ITPR1: variants seen among roughly 807,000 people sequenced by gnomAD.
ITPR1 encodes the protein inositol 1,4,5-trisphosphate receptor type 1, also known as inositol 1,4,5-trisphosphate-gated calcium channel ITPR1.
In ITPR1, 96 loss-of-function variants were observed where a neutral mutation model predicts 318.4. The ratio of observed to expected loss-of-function variants is 0.30; its 90% CI spans 0.26 to 0.36. ITPR1 has a LOEUF of 0.36. ITPR1 is among the 10% of genes least tolerant of loss of function. The pLI, the probability that ITPR1 is intolerant of heterozygous loss-of-function variation, is 1.00. For synonymous variants in ITPR1, 1,312 were observed against 1,289.9 expected (o/e 1.02, Z -0.37); for missense variants, 2,440 against 3,460.2 (o/e 0.71, Z 7.40).
chr3:4,833,292 G>A (rs73006953), intron 60 of ITPR1, among the ~76,000 whole-genome samples: 11,937 of 152,258 alleles, frequency 0.078, 536 homozygotes, highest in South Asian at 0.11. Context: ...TATTAGGAAT[G>A]AGGGAGAGAA....
At chr3:4,524,962 G>T (rs2082863455) in intron 4 of ITPR1, among the ~76,000 whole-genome samples, 1 of 152,176 alleles carries the variant, frequency 6.6e-6, no homozygotes, top group African/African-American at 2.4e-5. Flanking sequence ...AGTACGGGGG[G>T]AGTCTGACCC....
Position 4,836,756 on chromosome 3 carries a change from T to G in ITPR1, c.8029-18T>G. On this transcript the variant is annotated intron_variant, in intron 60 of 61. Coordinates refer to ENST00000649015, the MANE Select transcript of ITPR1 (RefSeq NM_001378452.1). ...CAGTCTTTTTTTTTTTTTTTTTTTT[T>G]TTTAATGTGGATTCTAGGAAAGAAA... 7.7e-7 allele frequency: 1 copy of G among 1,294,504 alleles called. No homozygotes were observed. The allele number at this position is 1,294,504 out of a possible 1,614,324, so 80.2% of individuals were successfully genotyped here.
chr3:4,735,260 T>C lies in ITPR1; in HGVS notation c.5450T>C (p.Ile1817Thr). Residue 1817 changes from isoleucine (I) to threonine (T), a missense_variant, in exon 44 of 62, where the codon ATC (isoleucine) becomes ACC (threonine). Physicochemically the swap from Ile to Thr is moderately conservative, Grantham distance 89. Coordinates refer to ENST00000649015, the MANE Select transcript of ITPR1 (RefSeq NM_001378452.1). Reference sequence around the variant, plus strand: ...AAGGAGGGGGCTTCCAATCTAGTTATCGACCTCATCATGAACGCATCCAGT... The same window carrying C: ...AAGGAGGGGGCTTCCAATCTAGTTACCGACCTCATCATGAACGCATCCAGT... ...LDKEGASNLV[I>T]DLIMNASSDR... The C allele has an allele frequency of 1.2e-6, 2 of 1,613,960 alleles. No individual in the cohort carries two copies. Among genetic ancestry groups the C allele is most frequent in the Non-Finnish European group, 1.7e-6 (2 of 1,179,854 alleles).
At chr3:4,645,301 C>A (rs999981595) in intron 8 of ITPR1, 86 bp from the exon 9 acceptor site, 3 of 887,404 alleles carry the variant, frequency 3.4e-6, no homozygotes, top group Non-Finnish European at 5.6e-6. Flanking sequence ...AGCCTTGCTT[C>A]CTAGGCTGCG....
intron 4 of ITPR1, among the ~76,000 whole-genome samples, chr3:4,620,192 G>A (rs2322806): frequency 0.47 from 70,683 of 151,872 alleles, 16,893 homozygotes; most frequent in Middle Eastern, 0.57. Flanking sequence ...GAGCCTGTGC[G>A]TTTCACCATC....
In ITPR1 at chr3:4,684,375, C is replaced by A. The variant is rs1212655798; in HGVS notation, c.3564+29C>A. 2.6e-6 allele frequency: 4 copies of A among 1,529,490 alleles called. No homozygotes were observed. The African/African-American group carries it at 4.1e-5, about 16-fold the overall frequency. 94.7% of individuals were successfully genotyped at this position (1,529,490 alleles called of 1,614,324 possible). A position where few individuals can be genotyped will look rare whatever the true frequency, so the allele number is the denominator to read the frequency against. ...AGCTCCTCCCCCACCACCATTTTTC[C>A]TTTCTTTATGAATTCTCTAAGGAGC... On this transcript the variant is annotated intron_variant, in intron 29 of 61. Transcript: ENST00000649015.
chr3:4,655,488 A>G (rs1186852922), intron 12 of ITPR1, among the ~76,000 whole-genome samples: 2 of 152,124 alleles, frequency 1.3e-5, no homozygotes, highest in South Asian at 2.1e-4. Flanking sequence ...CTGAGCCTCA[A>G]TTCCTTCATC....
intron 44 of ITPR1, among the ~76,000 whole-genome samples, chr3:4,753,600 G>T (rs2044715939): frequency 6.6e-6 from 1 of 152,130 alleles, no homozygotes; most frequent in Non-Finnish European, 1.5e-5. Flanking sequence ...CCGAGAGTCA[G>T]TTGAGTTGGG....
intron 45 of ITPR1, chr3:4,768,237 G>A (rs1302762583): frequency 2.9e-6 from 1 of 342,282 alleles, no homozygotes; most frequent in East Asian, 4.6e-5. Context: ...AACCTTAGAT[G>A]TGTGAGGCTG....
chr3:4,560,968 T>G (rs1320004354), intron 4 of ITPR1, among the ~76,000 whole-genome samples: 1 of 152,234 alleles, frequency 6.6e-6, no homozygotes, highest in Admixed American at 6.5e-5. Context: ...GATTTCAAGA[T>G]GGCCTTTTGC....
intron 60 of ITPR1, among the ~76,000 whole-genome samples, chr3:4,828,486 G>A (rs1462760690): frequency 2.0e-5 from 3 of 152,138 alleles, no homozygotes; most frequent in Admixed American, 2.0e-4. Flanking sequence ...CAGCACGGGT[G>A]GCCGGCCCCA....
intron 60 of ITPR1, among the ~76,000 whole-genome samples, chr3:4,832,230 ACT>A (rs764207936): frequency 9.9e-5 from 15 of 151,736 alleles, no homozygotes; most frequent in Admixed American, 2.0e-4. Flanking sequence ...ACTGGGGGAG[ACT>A]CTGTGTGGTG....
At chr3:4,501,931 T>C (rs1308427535) in intron 2 of ITPR1, among the ~76,000 whole-genome samples, 2 of 152,240 alleles carry the variant, frequency 1.3e-5, no homozygotes, top group Non-Finnish European at 2.9e-5. Context: ...TGGCTTGATA[T>C]AATGCGGCTT....
chr3:4,517,399 G>A (rs1215626472), intron 3 of ITPR1, among the ~76,000 whole-genome samples: 1 of 152,150 alleles, frequency 6.6e-6, no homozygotes, highest in Non-Finnish European at 1.5e-5. Flanking sequence ...ATAAATTGGG[G>A]GAAGGAAGAC....
At chr3:4,580,208 T>G (rs141639095) in intron 4 of ITPR1, among the ~76,000 whole-genome samples, 7 of 152,150 alleles carry the variant, frequency 4.6e-5, no homozygotes, top group African/African-American at 9.6e-5. Flanking sequence ...AGACTCCGTC[T>G]CAAAAAAAAA....
At chr3:4,571,189 G>A (rs1220124792) in intron 4 of ITPR1, among the ~76,000 whole-genome samples, 1 of 152,156 alleles carries the variant, frequency 6.6e-6, no homozygotes, top group Non-Finnish European at 1.5e-5. Context: ...TGGTAAATTG[G>A]CATTACAAAG....
intron 2 of ITPR1, among the ~76,000 whole-genome samples, chr3:4,516,161 T>C (rs1193032002): frequency 6.6e-6 from 1 of 152,228 alleles, no homozygotes; most frequent in African/African-American, 2.4e-5. Flanking sequence ...CTGAGTTCCC[T>C]GCAGGCTTTC....
chr3:4,563,302 G>T (rs1036502872), intron 4 of ITPR1, among the ~76,000 whole-genome samples: 7 of 152,078 alleles, frequency 4.6e-5, no homozygotes, highest in African/African-American at 1.7e-4. Context: ...GAGCCCAGGA[G>T]TTCAAGACCA....
At chr3:4,840,795 AG>A (rs2051288214) in intron 61 of ITPR1, among the ~76,000 whole-genome samples, 1 of 152,200 alleles carries the variant, frequency 6.6e-6, no homozygotes, top group Non-Finnish European at 1.5e-5. Flanking sequence ...TATTCCAAGG[AG>A]GAGAACTAAT....
Sources: gnomAD v4.1 joint callset for allele counts (sites outside exome capture counted in the v4.1 genomes callset) on GRCh38, gnomAD v4.1.1 for gene constraint, MANE v1.5 for transcripts, NCBI Gene and HGNC (gene_info 2026-07-23, HGNC 2026-07-21) for gene names.